ANK3: variants seen among roughly 807,000 people sequenced by gnomAD.
ANK3 encodes the protein ankyrin 3.
A neutral mutation model predicts 370.9 loss-of-function variants in ANK3; 57 were observed. The ratio of observed to expected loss-of-function variants is 0.15; its 90% CI spans 0.12 to 0.19. The LOEUF is 0.19. ANK3 is among the 10% of genes least tolerant of loss of function. The pLI is 1.00. For synonymous variants in ANK3, 1,929 were observed against 1,946.3 expected (o/e 0.99, Z 0.23); for missense variants, 4,439 against 5,302.1 (o/e 0.84, Z 5.06).
intron 1 of ANK3, among the ~76,000 whole-genome samples, chr10:60,717,595 T>C (rs908428315): frequency 6.6e-6 from 1 of 152,202 alleles, no homozygotes; most frequent in African/African-American, 2.4e-5. Context: ...CTTTACAATT[T>C]AGTGTTTATA....
chr10:60,654,676 T>C (rs534933629), intron 1 of ANK3, among the ~76,000 whole-genome samples: 16 of 152,296 alleles, frequency 1.1e-4, no homozygotes, highest in Non-Finnish European at 1.9e-4. Context: ...AATATATTAT[T>C]GGGCTTGTTT....
intron 1 of ANK3, among the ~76,000 whole-genome samples, chr10:60,340,287 A>G (rs972704548): frequency 7.9e-5 from 12 of 152,220 alleles, no homozygotes; most frequent in African/African-American, 2.9e-4. Flanking sequence ...GTACTGAACT[A>G]TAATGGCGTG....
intron 13 of ANK3, among the ~76,000 whole-genome samples, chr10:60,199,323 C>T (rs2096637100): frequency 6.6e-6 from 1 of 151,936 alleles, no homozygotes; most frequent in Admixed American, 6.6e-5. Context: ...ATAGAGGACA[C>T]CATTTTGGAA....
chr10:60,511,857 A>G (rs554937755), intron 2 of ANK3, among the ~76,000 whole-genome samples: 1 of 152,030 alleles, frequency 6.6e-6, no homozygotes, highest in East Asian at 1.9e-4. Flanking sequence ...TTTCCTATCT[A>G]AAGAGAGATT....
rs189252941 is a variant in ANK3, at chr10:60,494,876, G to T, written c.96+120310C>A. On this transcript the variant is annotated intron_variant, in intron 2 of 43. Coordinates refer to the ANK3 transcript ENST00000373827. ...CTTATAGATACAGCATAATGCAAATGATTTGTTTCACCATTCTAAAGCATT... is the reference window on the plus strand; with the variant it reads ...CTTATAGATACAGCATAATGCAAATTATTTGTTTCACCATTCTAAAGCATT... Among the ~76,000 whole-genome samples the T allele has an allele frequency of 8.5e-5, 13 of 152,262 alleles. No individual in the cohort carries two copies. In the East Asian group the frequency reaches 2.1e-3, roughly 25 times the overall value.
intron 43 of ANK3, among the ~76,000 whole-genome samples, chr10:60,030,250 C>T (rs1271086122): frequency 1.3e-5 from 2 of 152,126 alleles, no homozygotes; most frequent in Non-Finnish European, 2.9e-5. Flanking sequence ...TCACACCATT[C>T]TCCTGCCTCA....
intron 40 of ANK3, 106 bp downstream of exon 40, chr10:60,063,005 A>C (rs542645455): frequency 8.5e-7 from 1 of 1,183,200 alleles, no homozygotes; most frequent in Non-Finnish European, 1.2e-6. Flanking sequence ...TGAGAAACTA[A>C]GTCAAGCAAA....
chr10:60,336,706 G>A (rs192574006), intron 1 of ANK3, among the ~76,000 whole-genome samples: 13 of 152,286 alleles, frequency 8.5e-5, no homozygotes, highest in Admixed American at 6.5e-4. Flanking sequence ...TGCATTTTAC[G>A]TAAGACAACT....
intron 2 of ANK3, among the ~76,000 whole-genome samples, chr10:60,469,748 A>T (rs2065169185): frequency 6.8e-6 from 1 of 146,162 alleles, no homozygotes; most frequent in Non-Finnish European, 1.5e-5. Flanking sequence ...GCTGAATATA[A>T]TATTTCTCTT....
intron 2 of ANK3, among the ~76,000 whole-genome samples, chr10:60,609,492 A>G (rs140642024): frequency 1.1e-4 from 16 of 152,020 alleles, no homozygotes; most frequent in African/African-American, 3.9e-4. Flanking sequence ...ATGTGACATG[A>G]ATAAATCCAT....
intron 36 of ANK3, among the ~76,000 whole-genome samples, chr10:60,079,225 A>ACACACACACACACACACACACC (rs376356885): frequency 4.2e-5 from 6 of 142,754 alleles, no homozygotes; most frequent in South Asian, 4.4e-4. Context: ...ACACACACAC[A>ACACACACACACACACACACACC]CCCCTCTTCT....
At chr10:60,611,950 T>C (rs2078207785) in intron 2 of ANK3, among the ~76,000 whole-genome samples, 1 of 152,018 alleles carries the variant, frequency 6.6e-6, no homozygotes, top group Non-Finnish European at 1.5e-5. Flanking sequence ...GGTTTTCCTT[T>C]TATTTTTATT....
At chr10:60,192,597 A>G (rs2096507574) in intron 16 of ANK3, among the ~76,000 whole-genome samples, 1 of 152,186 alleles carries the variant, frequency 6.6e-6, no homozygotes, top group South Asian at 2.1e-4. Flanking sequence ...AATAACTGAG[A>G]AAGTCAAATA....
chr10:60,632,735 G>A (rs1387122602), intron 1 of ANK3, among the ~76,000 whole-genome samples: 1 of 151,938 alleles, frequency 6.6e-6, no homozygotes, highest in Non-Finnish European at 1.5e-5. Flanking sequence ...AAAAAATTCA[G>A]TAACATTAGC....
At chr10:60,455,192 TAGTG>T (rs1417470311) in intron 2 of ANK3, among the ~76,000 whole-genome samples, 1 of 152,200 alleles carries the variant, frequency 6.6e-6, no homozygotes, top group East Asian at 1.9e-4. Flanking sequence ...CAAAATTAGT[TAGTG>T]AGAATAATAA....
At position 60,711,862 on chromosome 10, in the gene ANK3, G is replaced by A. The variant is rs571608467; in HGVS notation, c.57+21401C>T. Among the ~76,000 whole-genome samples, 3 of 152,178 alleles carry A rather than the reference G, an allele frequency of 2.0e-5. No individual in the cohort carries two copies. In the South Asian group the frequency reaches 6.2e-4, roughly 32 times the overall value. The stretch of plus-strand genomic sequence containing the variant: ...AAACACCTTACCTAAAAAGGAACAC[G>A]GATAATAACCACATTAGATTTCTCT... On this transcript the variant is annotated intron_variant, in intron 1 of 43. Transcript: ENST00000373827.
intron 25 of ANK3, among the ~76,000 whole-genome samples, chr10:60,133,687 G>A (rs1025946551): frequency 1.3e-5 from 2 of 152,144 alleles, no homozygotes; most frequent in Non-Finnish European, 2.9e-5. Flanking sequence ...TTGGGAGGCC[G>A]AGGCAGGTGT....
chr10:60,565,339 A>G (rs2077433213), intron 2 of ANK3, among the ~76,000 whole-genome samples: 1 of 152,182 alleles, frequency 6.6e-6, no homozygotes, highest in Non-Finnish European at 1.5e-5. Context: ...TCCTCTGAGA[A>G]TCAATGCTGT....
chr10:60,400,822 G>A (rs1042772390), intron 2 of ANK3, among the ~76,000 whole-genome samples: 9 of 152,090 alleles, frequency 5.9e-5, no homozygotes, highest in African/African-American at 2.2e-4. Flanking sequence ...AAGGTGTTAA[G>A]CCCAGCATGC....
Sources: gnomAD v4.1 joint callset for allele counts (sites outside exome capture counted in the v4.1 genomes callset) on GRCh38, gnomAD v4.1.1 for gene constraint, MANE v1.5 for transcripts, NCBI Gene and HGNC (gene_info 2026-07-23, HGNC 2026-07-21) for gene names.